Variants in HDAC9 observed in about 807,000 individuals in gnomAD.
HDAC9 encodes MEF-2 interacting transcription repressor (MITR) protein.
HDAC9 carries 41 observed loss-of-function variants against 139.4 expected under a neutral mutation model. That is an observed-to-expected ratio of 0.29 (90% confidence interval 0.23 to 0.38). The LOEUF (loss-of-function observed/expected upper bound fraction) is 0.38. Ranked by LOEUF, HDAC9 falls within the 10% of genes least tolerant of loss-of-function variation. HDAC9 has a pLI of 1.00. For missense variants in HDAC9, 1,147 were observed against 1,297.0 expected (o/e 0.88, Z 1.78); for synonymous variants, 517 against 476.2 (o/e 1.09, Z -1.12).
chr7:18,148,570 C>T (rs757871096), intron 1 of HDAC9, among the ~76,000 whole-genome samples: 1 of 152,324 alleles, frequency 6.6e-6, no homozygotes, highest in Non-Finnish European at 1.5e-5. Flanking sequence ...GATTCCCCCA[C>T]CTCAGCCTCC....
chr7:18,878,691 C>G (rs1481610289), intron 22 of HDAC9, among the ~76,000 whole-genome samples: 1 of 152,104 alleles, frequency 6.6e-6, no homozygotes, highest in East Asian at 1.9e-4. Flanking sequence ...ATGCCAAACC[C>G]ACAGCCAACA....
At chr7:18,271,568 A>C (rs1796357410) in intron 2 of HDAC9, among the ~76,000 whole-genome samples, 1 of 152,190 alleles carries the variant, frequency 6.6e-6, no homozygotes, top group South Asian at 2.1e-4. Flanking sequence ...TGAATCTTAG[A>C]AATGCTGCAG....
intron 6 of HDAC9, among the ~76,000 whole-genome samples, chr7:18,624,003 T>C (rs1242864058): frequency 6.6e-6 from 1 of 152,122 alleles, no homozygotes; most frequent in African/African-American, 2.4e-5. Context: ...CCTGTGTGCT[T>C]CTACACAAGA....
intron 1 of HDAC9, among the ~76,000 whole-genome samples, chr7:18,375,394 G>A (rs915648206): frequency 2.0e-5 from 3 of 152,220 alleles, no homozygotes; most frequent in Admixed American, 6.5e-5. Flanking sequence ...GCTTGAACCC[G>A]GGAGGTGGAG....
intron 22 of HDAC9, among the ~76,000 whole-genome samples, chr7:18,879,796 C>A (rs1486621472): frequency 6.6e-6 from 1 of 152,056 alleles, no homozygotes; most frequent in African/African-American, 2.4e-5. Context: ...CCAACAAAAG[C>A]AAAAATTGAC....
At chr7:18,792,472 A>T (rs188807866) in intron 16 of HDAC9, among the ~76,000 whole-genome samples, 4 of 152,070 alleles carry the variant, frequency 2.6e-5, no homozygotes, top group African/African-American at 4.8e-5. Context: ...ATAACATATG[A>T]TAATTATAAA....
At chr7:18,213,358 G>A (rs1388715682) in intron 2 of HDAC9, among the ~76,000 whole-genome samples, 2 of 152,074 alleles carry the variant, frequency 1.3e-5, no homozygotes, top group East Asian at 3.9e-4. Context: ...TTGAAATTAT[G>A]TTGCTTTACG....
At chr7:18,690,015 C>G (rs771530667) in intron 12 of HDAC9, among the ~76,000 whole-genome samples, 1 of 151,982 alleles carries the variant, frequency 6.6e-6, no homozygotes, top group East Asian at 1.9e-4. Context: ...GGTGTTTCAT[C>G]AAATGGCCTA....
intron 2 of HDAC9, among the ~76,000 whole-genome samples, chr7:18,281,208 G>A (rs1584985793): frequency 6.6e-6 from 1 of 152,344 alleles, no homozygotes; most frequent in South Asian, 2.1e-4. Flanking sequence ...ATCAGGCAGT[G>A]ATAAGCAGTG....
intron 2 of HDAC9, among the ~76,000 whole-genome samples, chr7:18,563,914 C>T (rs1021841068): frequency 4.7e-5 from 7 of 149,542 alleles, no homozygotes; most frequent in Admixed American, 4.0e-4. Flanking sequence ...TGGCTGACTG[C>T]AACCCTGCTG....
chr7:18,385,702 C>T (rs1010996387), intron 1 of HDAC9, among the ~76,000 whole-genome samples: 2 of 152,074 alleles, frequency 1.3e-5, no homozygotes, highest in African/African-American at 4.8e-5. Flanking sequence ...TAGAATATAC[C>T]TCTAAACAAC....
intron 1 of HDAC9, among the ~76,000 whole-genome samples, chr7:18,144,539 GCC>G (rs1034705903): frequency 8.6e-5 from 13 of 151,996 alleles, no homozygotes; most frequent in Admixed American, 2.6e-4. Flanking sequence ...GCAGCTTTCT[GCC>G]CAGTCTTCCT....
chr7:18,568,025 T>C (rs1015072297), intron 2 of HDAC9, among the ~76,000 whole-genome samples: 1 of 73,384 alleles, frequency 1.4e-5, no homozygotes, highest in Non-Finnish European at 2.6e-5. Flanking sequence ...TATATGTATA[T>C]GTATATATAT....
intron 12 of HDAC9, among the ~76,000 whole-genome samples, chr7:18,688,962 C>T (rs551242317): frequency 1.3e-5 from 2 of 152,038 alleles, no homozygotes; most frequent in Admixed American, 6.6e-5. Context: ...GACAGTTTAA[C>T]TTAATGGAAG....
intron 13 of HDAC9, among the ~76,000 whole-genome samples, chr7:18,746,711 A>G (rs1788004994): frequency 6.6e-6 from 1 of 152,194 alleles, no homozygotes; most frequent in Non-Finnish European, 1.5e-5. Flanking sequence ...TTCACTCATT[A>G]AAACATATTT....
chr7:18,260,270 G>A (rs1455594912), intron 2 of HDAC9, among the ~76,000 whole-genome samples: 4 of 149,544 alleles, frequency 2.7e-5, no homozygotes, highest in Admixed American at 6.7e-5. Context: ...GAGAGGGCTA[G>A]CATTTACGGG....
intron 1 of HDAC9, among the ~76,000 whole-genome samples, chr7:18,465,477 G>T (rs371605979): frequency 2.0e-5 from 3 of 152,074 alleles, no homozygotes; most frequent in Admixed American, 2.0e-4. Flanking sequence ...GGAGGTGGGT[G>T]GGGTTTGTGA....
intron 16 of HDAC9, among the ~76,000 whole-genome samples, chr7:18,785,377 T>C (rs1791623945): frequency 6.6e-6 from 1 of 151,946 alleles, no homozygotes; most frequent in Non-Finnish European, 1.5e-5. Flanking sequence ...TTCCTGGCTC[T>C]ATGCACTAGA....
intron 2 of HDAC9, among the ~76,000 whole-genome samples, chr7:18,576,488 C>A (rs1203476326): frequency 6.6e-6 from 1 of 151,740 alleles, no homozygotes; most frequent in African/African-American, 2.4e-5. Flanking sequence ...GTAGTAAAAC[C>A]CCATCTCCAC....
Sources: allele counts gnomAD v4.1 joint callset (sites outside exome capture counted in the v4.1 genomes callset), GRCh38; gene constraint gnomAD v4.1.1; transcripts MANE v1.5; gene names NCBI Gene and HGNC (gene_info 2026-07-23, HGNC 2026-07-21).